Variants in LANCL3 observed in about 807,000 individuals in gnomAD.
LANCL3 encodes the protein LanC like family member 3, also known as lanC-like protein 3.
LANCL3 carries 19 observed loss-of-function variants against 26.5 expected under a neutral mutation model. The ratio of observed to expected loss-of-function variants is 0.72; its 90% CI spans 0.50 to 1.05. LANCL3 has a LOEUF of 1.05. LANCL3 is among the 50% of genes least tolerant of loss of function. The pLI is 0.00. For synonymous variants in LANCL3, 160 were observed against 166.6 expected, an observed-to-expected ratio of 0.96 and a Z score of 0.30; for missense variants, 318 against 362.7, an observed-to-expected ratio of 0.88 and a Z score of 1.00.
chrX:37,670,598 T>A (rs1249585650), intron 4 of LANCL3, among the ~76,000 whole-genome samples: 1 of 110,407 alleles, frequency 9.1e-6, no homozygotes, highest in East Asian at 2.8e-4. Flanking sequence ...TGAAATTCCA[T>A]TTTTTTATAA....
In LANCL3 at chrX:37,675,707, A is replaced by G; in HGVS notation, c.1157A>G (p.Glu386Gly). ...EEFKAGSRVL[E>G]SIYSLYEGFS... ...TTCAAGGCCGGTTCTCGGGTCCTTG[A>G]AAGTATATACAGCTTGTATGAAGGC... Residue 386 changes from glutamate to glycine, a missense_variant, in exon 5 of 5, where the codon GAA becomes GGA. By Grantham distance (98) the Glu-to-Gly change is moderately conservative. Coordinates refer to ENST00000378619, the MANE Select transcript of LANCL3 (RefSeq NM_001170331.2). The G allele has an allele frequency of 1.7e-6, 2 of 1,157,123 alleles. No homozygotes were observed. The highest frequency in any genetic ancestry group is 1.2e-6 in the Non-Finnish European group (1 of 866,909).
intron 1 of LANCL3, among the ~76,000 whole-genome samples, chrX:37,632,020 G>A (rs1318120785): frequency 1.4e-4 from 15 of 110,702 alleles, no homozygotes; most frequent in Non-Finnish European, 2.3e-4. Flanking sequence ...TTAACTTTCT[G>A]TCTCATTGAT....
chrX:37,582,231 G>C (rs782680695), intron 1 of LANCL3, among the ~76,000 whole-genome samples: 5 of 111,569 alleles, frequency 4.5e-5, no homozygotes, highest in Non-Finnish European at 9.4e-5. Context: ...TGAATAGTGC[G>C]GCAATAAACA....
At chrX:37,590,947 A>C (rs782728161) in intron 1 of LANCL3, among the ~76,000 whole-genome samples, 46 of 111,767 alleles carry the variant, frequency 4.1e-4, no homozygotes, top group Non-Finnish European at 5.3e-4. Context: ...TTCGAGAACG[A>C]ATTTCTTAGA....
chrX:37,571,824 G>A lies in LANCL3; in HGVS notation c.-47G>A, dbSNP rs140489766. ...GGTGGTGTGCGGGGCTGCAGGGCACGACTTCAAGCGGTCCTCAGCTCCGCA... is the reference window on the plus strand; with the variant it reads ...GGTGGTGTGCGGGGCTGCAGGGCACAACTTCAAGCGGTCCTCAGCTCCGCA... On this transcript the variant is annotated 5_prime_UTR_variant, in exon 1 of 5. Coordinates refer to ENST00000378619, the MANE Select transcript of LANCL3 (RefSeq NM_001170331.2). 2.2e-3 allele frequency: 2,427 copies of A among 1,106,929 alleles called. 6 individuals carry two copies. Among genetic ancestry groups the A allele is most frequent in the Non-Finnish European group, 2.5e-3 (2,092 of 823,371 alleles). 91.2% of individuals were successfully genotyped at this position (1,106,929 alleles called of 1,213,427 possible).
rs1029795410 is a variant in LANCL3, at chrX:37,682,478, T to C, written c.*6665T>C. 8.9e-6 allele frequency: 1 copy of C among 112,270 alleles called. No homozygotes were observed. Among genetic ancestry groups the C allele is most frequent in the Admixed American group, 9.4e-5 (1 of 10,620 alleles). 9.3% of individuals were successfully genotyped at this position (112,270 alleles called of 1,213,427 possible). ...CAGTTTTAAAGATACAGACTATAAT[T>C]GACTACTGTCAATCTTTAACAAGTG... On this transcript the variant is annotated 3_prime_UTR_variant, in exon 5 of 5. Coordinates refer to ENST00000378619, the MANE Select transcript of LANCL3 (RefSeq NM_001170331.2).
intron 1 of LANCL3, among the ~76,000 whole-genome samples, chrX:37,597,244 A>G (rs903763645): frequency 3.6e-5 from 4 of 112,195 alleles, no homozygotes; most frequent in Non-Finnish European, 5.6e-5. Context: ...GTTAATGGAC[A>G]TTGGAGTTAT....
At chrX:37,629,769 T>C (rs1925432946) in intron 1 of LANCL3, among the ~76,000 whole-genome samples, 1 of 111,059 alleles carries the variant, frequency 9.0e-6, no homozygotes, top group South Asian at 3.9e-4. Context: ...AGATATGTGG[T>C]GTTATTTCTG....
intron 2 of LANCL3, among the ~76,000 whole-genome samples, chrX:37,657,515 G>A (rs1926313970): frequency 9.4e-6 from 1 of 106,400 alleles, no homozygotes; most frequent in East Asian, 2.9e-4. Context: ...GTATGCTTCA[G>A]TATGCCTGGT....
At chrX:37,616,167 TA>T (rs1220215083) in intron 1 of LANCL3, among the ~76,000 whole-genome samples, 1 of 111,294 alleles carries the variant, frequency 9.0e-6, no homozygotes, top group East Asian at 2.8e-4. Context: ...ATTCAACCAT[TA>T]ATGTTCCAGG....
chrX:37,639,416 A>G (rs1602122316), intron 1 of LANCL3, among the ~76,000 whole-genome samples: 1 of 108,332 alleles, frequency 9.2e-6, no homozygotes, highest in African/African-American at 3.3e-5. Context: ...TTACATATCT[A>G]GTGAACATGT....
chrX:37,658,408 A>G (rs1048535938), intron 2 of LANCL3, among the ~76,000 whole-genome samples: 1 of 112,521 alleles, frequency 8.9e-6, no homozygotes, highest in Admixed American at 9.4e-5. Flanking sequence ...CCAATGTCCC[A>G]GTTCAAAGAC....
chrX:37,667,430 T>C lies in LANCL3; in HGVS notation c.1044T>C (p.Tyr348=), dbSNP rs1556434371. The C allele has an allele frequency of 8.3e-7, 1 of 1,199,901 alleles. No homozygotes were observed. Among genetic ancestry groups the C allele is most frequent in the East Asian group, 3.0e-5 (1 of 32,832 alleles). The change falls in exon 4 of 5, where the codon TAT becomes TAC. Residue 348 remains tyrosine (Y), a synonymous_variant. Transcript: ENST00000378619. ...GICHGVAGSA[Y]VFLLLYRLTG... ...GCCATGGAGTAGCCGGCAGTGCCTA[T>C]GTCTTCCTGCTGCTGTACCGGCTCA...
intron 1 of LANCL3, among the ~76,000 whole-genome samples, chrX:37,618,709 G>A (rs1361629839): frequency 9.0e-6 from 1 of 111,620 alleles, no homozygotes; most frequent in African/African-American, 3.3e-5. Context: ...CTGTCTTTGT[G>A]TTCAGATGTC....
intron 1 of LANCL3, among the ~76,000 whole-genome samples, chrX:37,575,549 C>T (rs1425713693): frequency 5.4e-5 from 6 of 111,865 alleles, no homozygotes; most frequent in Non-Finnish European, 7.5e-5. Flanking sequence ...TCCTTTCCTA[C>T]TGCCAAAGTT....
chrX:37,609,475 A>G (rs1456644107), intron 1 of LANCL3, among the ~76,000 whole-genome samples: 1 of 111,913 alleles, frequency 8.9e-6, no homozygotes, highest in African/African-American at 3.2e-5. Flanking sequence ...CTGTTATTGT[A>G]CTTTGAAAGC....
intron 1 of LANCL3, among the ~76,000 whole-genome samples, chrX:37,583,864 TGTG>T (rs1923975879): frequency 9.0e-6 from 1 of 111,495 alleles, no homozygotes; most frequent in Non-Finnish European, 1.9e-5. Context: ...GTTGAATAGG[TGTG>T]GTGAGAGAGG....
intron 1 of LANCL3, among the ~76,000 whole-genome samples, chrX:37,623,778 A>C (rs782030131): frequency 8.9e-6 from 1 of 112,150 alleles, no homozygotes; most frequent in South Asian, 3.7e-4. Flanking sequence ...TCCAGTTCTC[A>C]TTCCCACAAG....
intron 3 of LANCL3, among the ~76,000 whole-genome samples, chrX:37,666,925 T>G (rs1556434129): frequency 1.8e-5 from 2 of 112,689 alleles, no homozygotes; most frequent in Non-Finnish European, 1.9e-5. Context: ...GTATGCGTCA[T>G]TAAATATTAA....
Sources: gnomAD v4.1 joint callset for allele counts (sites outside exome capture counted in the v4.1 genomes callset) on GRCh38, gnomAD v4.1.1 for gene constraint, MANE v1.5 for transcripts, NCBI Gene and HGNC (gene_info 2026-07-23, HGNC 2026-07-21) for gene names.